The following IFT57 variants were observed in gnomAD, a reference collection of about 807,000 sequenced individuals.
IFT57 encodes the protein intraflagellar transport protein 57 homolog.
IFT57 carries 59 observed loss-of-function variants against 56.8 expected under a neutral mutation model. The observed-to-expected ratio is 1.04, with a 90% CI of 0.84 to 1.29. The LOEUF is 1.29. Ranked by LOEUF, IFT57 falls within the 50% of genes most tolerant of loss-of-function variation. The pLI, the probability that IFT57 is intolerant of heterozygous loss-of-function variation, is 0.00. For missense variants in IFT57, 470 were observed against 522.1 expected (o/e 0.90, Z 0.97); for synonymous variants, 209 against 186.1 (o/e 1.12, Z -1.00).
At chr3:108,190,278 A>T (rs547640004) in intron 6 of IFT57, among the ~76,000 whole-genome samples, 6 of 152,288 alleles carry the variant, frequency 3.9e-5, no homozygotes, top group Non-Finnish European at 8.8e-5. Context: ...AAATGTAAGG[A>T]CATGAGATTT....
intron 6 of IFT57, among the ~76,000 whole-genome samples, chr3:108,171,725 C>T (rs1159501805): frequency 1.3e-5 from 2 of 151,698 alleles, no homozygotes; most frequent in South Asian, 2.1e-4. Context: ...AAAATGGAAA[C>T]CTATTGGAGC....
At chr3:108,176,773 C>G (rs2080126159) in intron 6 of IFT57, among the ~76,000 whole-genome samples, 1 of 151,832 alleles carries the variant, frequency 6.6e-6, no homozygotes, top group Admixed American at 6.6e-5. Context: ...AATTTTTTCT[C>G]TCTCCTTCCT....
At chr3:108,216,034 G>C (rs2080371116) in intron 3 of IFT57, among the ~76,000 whole-genome samples, 1 of 152,102 alleles carries the variant, frequency 6.6e-6, no homozygotes, top group African/African-American at 2.4e-5. Context: ...AACTACTAGA[G>C]GAAATGTGGA....
At chr3:108,202,091 T>C (rs9877443) in intron 5 of IFT57, among the ~76,000 whole-genome samples, 14,602 of 152,252 alleles carry the variant, frequency 0.096, 750 homozygotes, top group Middle Eastern at 0.12. Context: ...ATAGTATCTA[T>C]GGCATGTATG....
rs139047551 is a variant in IFT57 at position 108,197,314 on chromosome 3, G to A, written c.655-5671C>T. Among the ~76,000 whole-genome samples, 45 of 152,302 alleles carry A rather than the reference G, an allele frequency of 3.0e-4. No individual in the cohort carries two copies. In the East Asian group the frequency reaches 7.9e-3, roughly 27 times the overall value. On this transcript the variant is annotated intron_variant, in intron 5 of 10. Coordinates refer to ENST00000264538, the MANE Select transcript of IFT57 (RefSeq NM_018010.4). The stretch of plus-strand genomic sequence containing the variant: ...TTAAATGCTGCCTGCAGAGTTTGCA[G>A]ACTACTAGGAAAAGTCTGAGGCCAG...
chr3:108,166,887 T>G lies in IFT57; in HGVS notation c.948A>C (p.Gln316His), dbSNP rs2080066293. The change falls in exon 8 of 11, where the codon CAA becomes CAC. Residue 316 changes from glutamine (Q) to histidine (H), a missense_variant. Physicochemically the swap from Gln to His is conservative, Grantham distance 24. Transcript: ENST00000264538. ...YINNQLENLV[Q>H]EYRAAQAQLS... ...GCTGGGCTTGAGCTGCACGATATTC[T>G]TGAACCAAATTCTCAAGCTGATTGT... The G allele has an allele frequency of 6.2e-7, 1 of 1,611,700 alleles. No individual in the cohort carries two copies. The highest frequency in any genetic ancestry group is 8.5e-7 in the Non-Finnish European group (1 of 1,178,576).
At chr3:108,195,735 A>T (rs1480323201) in intron 5 of IFT57, among the ~76,000 whole-genome samples, 1 of 152,126 alleles carries the variant, frequency 6.6e-6, no homozygotes, top group Non-Finnish European at 1.5e-5. Flanking sequence ...GACAAATATC[A>T]CATGTTCTCA....
At chr3:108,187,952 T>TTTTA (rs1553741012) in intron 6 of IFT57, among the ~76,000 whole-genome samples, 1 of 151,694 alleles carries the variant, frequency 6.6e-6, no homozygotes, top group African/African-American at 2.4e-5. Flanking sequence ...GTTTTTTTTT[T>TTTTA]TTATACTTTA....
At chr3:108,164,278 C>T (rs909415974) in intron 9 of IFT57, among the ~76,000 whole-genome samples, 8 of 152,048 alleles carry the variant, frequency 5.3e-5, no homozygotes, top group Non-Finnish European at 7.4e-5. Context: ...AGGAGGCATA[C>T]TTTGCTGTCA....
intron 5 of IFT57, among the ~76,000 whole-genome samples, chr3:108,193,118 T>C (rs12152431): frequency 0.096 from 14,641 of 152,252 alleles, 766 homozygotes; most frequent in Middle Eastern, 0.12. Context: ...AATTACATTC[T>C]CAATATATAT....
chr3:108,178,650 A>G (rs962838105), intron 6 of IFT57, among the ~76,000 whole-genome samples: 3 of 151,994 alleles, frequency 2.0e-5, no homozygotes, highest in South Asian at 2.1e-4. Flanking sequence ...GCTCAACCTC[A>G]TAAGTCAACC....
Position 108,219,696 on chromosome 3 carries a change from A to G in IFT57, c.213-124T>C, listed in dbSNP as rs537001574. On this transcript the variant is annotated intron_variant, in intron 1 of 10. Coordinates refer to ENST00000264538, the MANE Select transcript of IFT57 (RefSeq NM_018010.4). ...CTTCCCCCCAAATGGCCATCAAAAG[A>G]CCTCGATAATTCACCCTTTGAAGTT... The G allele has an allele frequency of 5.5e-4, 518 of 937,986 alleles. 6 individuals carry two copies. In the South Asian group the frequency reaches 8.2e-3, roughly 15 times the overall value. The allele number at this position is 937,986 out of a possible 1,614,324, so 58.1% of individuals were successfully genotyped here. A position where few individuals can be genotyped will look rare whatever the true frequency, so the allele number is the denominator to read the frequency against.
chr3:108,165,055 A>C (rs1263788047), intron 9 of IFT57, among the ~76,000 whole-genome samples: 1 of 152,170 alleles, frequency 6.6e-6, no homozygotes, highest in East Asian at 1.9e-4. Context: ...TATCAATAAC[A>C]GTCACTAAAA....
chr3:108,169,039 T>TTCTGATTCTAGA (rs1197623981), intron 6 of IFT57, among the ~76,000 whole-genome samples: 6 of 152,056 alleles, frequency 3.9e-5, no homozygotes, highest in South Asian at 2.1e-4. Context: ...CAAATGGTAT[T>TTCTGATTCTAGA]TCTGATTCTA....
chr3:108,179,733 T>C (rs1476030907), intron 6 of IFT57, among the ~76,000 whole-genome samples: 1 of 152,032 alleles, frequency 6.6e-6, no homozygotes, highest in Non-Finnish European at 1.5e-5. Context: ...ACTTTTCTAA[T>C]GAAAAATGCC....
intron 1 of IFT57, 169 bp downstream of exon 1, chr3:108,221,942 G>A (rs2080408367): frequency 1.6e-5 from 22 of 1,340,622 alleles, no homozygotes; most frequent in Non-Finnish European, 2.2e-5. Flanking sequence ...GGCTGCGTGA[G>A]CTCCACGGAC....
chr3:108,163,718 T>G lies in IFT57; in HGVS notation c.1056A>C (p.Glu352Asp). The change falls in exon 10 of 11, where the codon GAA (glutamate) becomes GAC (aspartate). Residue 352 changes from glutamate to aspartate, a missense_variant. Physicochemically the swap from Glu to Asp is conservative, Grantham distance 45 (BLOSUM62 2). Transcript: ENST00000264538. ...RTRLLSEVME[E>D]LEKVKQEMEE... ...CCATTTCTTGTTTTACCTTTTCTAA[T>G]TCTTCCATAACCTTTCATGAAAACA... 2 of 1,608,174 alleles carry G rather than the reference T, an allele frequency of 1.2e-6. No homozygotes were observed. The highest frequency in any genetic ancestry group is 1.7e-6 in the Non-Finnish European group (2 of 1,175,380).
At chr3:108,169,837 G>C (rs1357416997) in intron 6 of IFT57, among the ~76,000 whole-genome samples, 1 of 151,982 alleles carries the variant, frequency 6.6e-6, no homozygotes, top group Non-Finnish European at 1.5e-5. Flanking sequence ...ATGCAGGCTG[G>C]TTCAACATAC....
chr3:108,198,751 A>G (rs1023064279), intron 5 of IFT57, among the ~76,000 whole-genome samples: 1 of 151,838 alleles, frequency 6.6e-6, no homozygotes, highest in Non-Finnish European at 1.5e-5. Context: ...TCGTGTTTTT[A>G]TTTTATTTTT....
Sources: gnomAD v4.1 joint callset for allele counts (sites outside exome capture counted in the v4.1 genomes callset) on GRCh38, gnomAD v4.1.1 for gene constraint, MANE v1.5 for transcripts, NCBI Gene and HGNC (gene_info 2026-07-23, HGNC 2026-07-21) for gene names.